SYN3: variants seen among roughly 807,000 people sequenced by gnomAD.
SYN3 encodes synapsin-3.
A neutral mutation model predicts 65.8 loss-of-function variants in SYN3; 35 were observed. That is an observed-to-expected ratio of 0.53 (90% CI 0.41 to 0.70). The LOEUF (loss-of-function observed/expected upper bound fraction) is 0.70, where lower values mean the gene tolerates loss of function less well. Among genes scored for constraint, SYN3 ranks in the 30% least tolerant of loss-of-function variants. The pLI is 0.00. For missense variants in SYN3, 680 were observed against 749.0 expected (o/e 0.91, Z 1.08); for synonymous variants, 270 against 292.9 (o/e 0.92, Z 0.80).
chr22:32,961,400 G>C (rs966961419), intron 3 of SYN3, among the ~76,000 whole-genome samples: 8 of 152,092 alleles, frequency 5.3e-5, no homozygotes, highest in Non-Finnish European at 1.0e-4. Context: ...GTACCTCTGT[G>C]GTAAAGTAGG....
At chr22:32,686,044 C>G (rs1004188656) in intron 6 of SYN3, among the ~76,000 whole-genome samples, 7 of 152,004 alleles carry the variant, frequency 4.6e-5, no homozygotes, top group Non-Finnish European at 1.0e-4. Flanking sequence ...AATTTCATGG[C>G]GATTTTCTCT....
intron 6 of SYN3, among the ~76,000 whole-genome samples, chr22:32,763,468 G>T (rs2045542315): frequency 6.6e-6 from 1 of 152,178 alleles, no homozygotes; most frequent in Non-Finnish European, 1.5e-5. Context: ...CTAATCTTAA[G>T]AGTACTTCTT....
chr22:32,739,417 T>C (rs2061377014), intron 6 of SYN3, among the ~76,000 whole-genome samples: 1 of 152,024 alleles, frequency 6.6e-6, no homozygotes, highest in African/African-American at 2.4e-5. Context: ...CGGGTATGTC[T>C]TTATCAGCAG....
At chr22:33,021,630 T>C (rs1201754976) in intron 1 of SYN3, among the ~76,000 whole-genome samples, 1 of 152,212 alleles carries the variant, frequency 6.6e-6, no homozygotes, top group Non-Finnish European at 1.5e-5. Context: ...TACAGACACA[T>C]GCGTGGCCCA....
At position 32,829,890 on chromosome 22, in the gene SYN3, G is replaced by A. The variant is rs1031198530; in HGVS notation, c.711+35025C>T. ...TAGAATGGGACCAAGATGCGACCCT[G>A]ACAGACTTAAATGAGAAATGAGCAT... On this transcript the variant is annotated intron_variant, in intron 6 of 13. Coordinates refer to ENST00000358763, the MANE Select transcript of SYN3 (RefSeq NM_003490.4). 5.9e-5 allele frequency among the ~76,000 whole-genome samples: 9 copies of A among 152,236 alleles called. No homozygotes were observed. In the East Asian group the frequency reaches 1.7e-3, roughly 29 times the overall value.
chr22:32,873,018 T>C (rs2048892055), intron 4 of SYN3, among the ~76,000 whole-genome samples: 1 of 151,124 alleles, frequency 6.6e-6, no homozygotes, highest in African/African-American at 2.4e-5. Flanking sequence ...TGGTGTGATC[T>C]TGGCTCACTG....
At chr22:32,743,699 G>C (rs1227052721) in intron 6 of SYN3, among the ~76,000 whole-genome samples, 1 of 152,126 alleles carries the variant, frequency 6.6e-6, no homozygotes, top group African/African-American at 2.4e-5. Context: ...ACTCTAATTT[G>C]CACAGATGAG....
intron 6 of SYN3, among the ~76,000 whole-genome samples, chr22:32,763,804 T>C (rs2045551584): frequency 6.6e-6 from 1 of 151,904 alleles, no homozygotes; most frequent in Non-Finnish European, 1.5e-5. Context: ...GGGAAGAAAG[T>C]AGATGAAGCT....
At chr22:32,598,562 T>C (rs1174453205) in intron 6 of SYN3, among the ~76,000 whole-genome samples, 3 of 152,186 alleles carry the variant, frequency 2.0e-5, no homozygotes, top group Non-Finnish European at 4.4e-5. Flanking sequence ...CTTGGCCCAC[T>C]GTAATCTCTG....
chr22:33,003,131 C>T (rs1484644356), intron 2 of SYN3, among the ~76,000 whole-genome samples: 1 of 152,162 alleles, frequency 6.6e-6, no homozygotes, highest in Non-Finnish European at 1.5e-5. Context: ...GTCAATTAAA[C>T]CCGTTTTCCT....
At chr22:32,822,155 CAAAA>C (rs35312009) in intron 6 of SYN3, among the ~76,000 whole-genome samples, 1 of 108,282 alleles carries the variant, frequency 9.2e-6, no homozygotes, top group Non-Finnish European at 1.8e-5. Flanking sequence ...AACTCCATCT[CAAAA>C]AAAAAAAAAA....
chr22:32,819,007 C>T (rs2047162839), intron 6 of SYN3, among the ~76,000 whole-genome samples: 2 of 152,230 alleles, frequency 1.3e-5, no homozygotes, highest in South Asian at 4.1e-4. Flanking sequence ...TTATAAATAA[C>T]CTCGAGGCTG....
intron 1 of SYN3, among the ~76,000 whole-genome samples, chr22:33,030,271 A>G (rs763525682): frequency 6.6e-6 from 1 of 152,216 alleles, no homozygotes; most frequent in Non-Finnish European, 1.5e-5. Flanking sequence ...ACGGTGCCAA[A>G]TAAGTGCCCT....
intron 3 of SYN3, among the ~76,000 whole-genome samples, chr22:32,931,770 C>A (rs904347685): frequency 2.6e-5 from 4 of 152,222 alleles, no homozygotes; most frequent in African/African-American, 9.6e-5. Context: ...CTAATTTCTG[C>A]CTCTTTGAAG....
chr22:32,694,188 T>C (rs936924780), intron 6 of SYN3, among the ~76,000 whole-genome samples: 7 of 152,326 alleles, frequency 4.6e-5, no homozygotes, highest in Admixed American at 4.6e-4. Flanking sequence ...TTAAATAGCA[T>C]ACTGAAACAC....
intron 4 of SYN3, among the ~76,000 whole-genome samples, chr22:32,913,958 G>A (rs1248422560): frequency 3.9e-5 from 6 of 152,192 alleles, no homozygotes; most frequent in East Asian, 1.9e-4. Flanking sequence ...GACAATAATC[G>A]TAGCTAAGAT....
At chr22:32,584,055 A>T (rs131045) in intron 7 of SYN3, 75,184 of 152,024 alleles carry the variant, frequency 0.49, 19,770 homozygotes, top group African/African-American at 0.7. Context: ...TTTACTCTGC[A>T]CTCTTTGACC....
intron 7 of SYN3, among the ~76,000 whole-genome samples, chr22:32,586,018 ATATG>A (rs376698310): frequency 0.037 from 5,213 of 141,868 alleles, 197 homozygotes; most frequent in African/African-American, 0.096. Flanking sequence ...GTATACGTAT[ATATG>A]TATGTATGTA....
At chr22:32,577,881 T>A (rs2058875303) in intron 7 of SYN3, among the ~76,000 whole-genome samples, 3 of 152,226 alleles carry the variant, frequency 2.0e-5, no homozygotes, top group South Asian at 4.1e-4. Context: ...GCTTCTCTGA[T>A]CACATTCGTC....
Sources: allele counts gnomAD v4.1 joint callset (sites outside exome capture counted in the v4.1 genomes callset), GRCh38; gene constraint gnomAD v4.1.1; transcripts MANE v1.5; gene names NCBI Gene and HGNC (gene_info 2026-07-23, HGNC 2026-07-21).